Variants in ZFHX3 observed in about 807,000 individuals in gnomAD.
ZFHX3 encodes the protein zinc finger homeobox 3.
A neutral mutation model predicts 279.1 loss-of-function variants in ZFHX3; 42 were observed. The ratio of observed to expected loss-of-function variants is 0.15; its 90% confidence interval spans 0.12 to 0.19. The LOEUF is 0.19. Ranked by LOEUF, ZFHX3 falls within the 10% of genes least tolerant of loss-of-function variation. The pLI, the probability that ZFHX3 is intolerant of heterozygous loss-of-function variation, is 1.00. For synonymous variants in ZFHX3, 2,293 were observed against 1,957.8 expected (o/e 1.17, Z -4.52); for missense variants, 4,981 against 4,754.0 (o/e 1.05, Z -1.40).
At chr16:72,971,384 T>C (rs1289326549) in intron 1 of ZFHX3, among the ~76,000 whole-genome samples, 1 of 152,224 alleles carries the variant, frequency 6.6e-6, no homozygotes, top group African/African-American at 2.4e-5. Flanking sequence ...AGCATGGTTT[T>C]GAGCACTATT....
intron 4 of ZFHX3, among the ~76,000 whole-genome samples, chr16:73,308,288 TATTTTTGAGACAGAGTTTC>T: frequency 7.2e-6 from 1 of 139,166 alleles, no homozygotes; most frequent in Non-Finnish European, 1.5e-5. Flanking sequence ...TTTATTTATT[TATTTTTGAGACAGAGTTTC>T]ACTCTTGTCA....
At chr16:73,429,182 C>T (rs2017866189) in intron 3 of ZFHX3, among the ~76,000 whole-genome samples, 1 of 152,140 alleles carries the variant, frequency 6.6e-6, no homozygotes, top group Non-Finnish European at 1.5e-5. Flanking sequence ...CTGGGGATAG[C>T]AGCACAGAAG....
At chr16:73,108,209 C>T (rs1966327860) in intron 7 of ZFHX3, among the ~76,000 whole-genome samples, 1 of 151,740 alleles carries the variant, frequency 6.6e-6, no homozygotes, top group South Asian at 2.1e-4. Context: ...TGGTGTGCCC[C>T]CGTGGTCCCA....
intron 1 of ZFHX3, among the ~76,000 whole-genome samples, chr16:73,797,767 G>A (rs1264609814): frequency 6.7e-6 from 1 of 149,778 alleles, no homozygotes; most frequent in East Asian, 2.0e-4. Context: ...AATTACTTGT[G>A]GATAAAACAT....
At chr16:73,110,302 T>C (rs1441632194) in intron 7 of ZFHX3, among the ~76,000 whole-genome samples, 1 of 152,168 alleles carries the variant, frequency 6.6e-6, no homozygotes, top group Admixed American at 6.6e-5. Flanking sequence ...TAAGATACAT[T>C]CAAACAGGTT....
chr16:73,257,150 A>ACTT (rs1234860018), intron 4 of ZFHX3: 1 of 152,230 alleles, frequency 6.6e-6, no homozygotes, highest in African/African-American at 2.4e-5. Flanking sequence ...TAACAAAGCA[A>ACTT]AAAGTAAATA....
intron 5 of ZFHX3, among the ~76,000 whole-genome samples, chr16:73,182,619 G>A (rs1967822649): frequency 6.6e-6 from 1 of 152,248 alleles, no homozygotes; most frequent in African/African-American, 2.4e-5. Flanking sequence ...ATCCACAATA[G>A]CAAAGACATG....
chr16:73,475,375 ATC>A (rs2018747798), intron 2 of ZFHX3, among the ~76,000 whole-genome samples: 1 of 152,144 alleles, frequency 6.6e-6, no homozygotes, highest in Non-Finnish European at 1.5e-5. Context: ...ATCTTATTGA[ATC>A]TCTTATTTGA....
chr16:73,352,181 G>A (rs542286160), intron 3 of ZFHX3, among the ~76,000 whole-genome samples: 20 of 152,244 alleles, frequency 1.3e-4, no homozygotes, highest in Non-Finnish European at 2.5e-4. Context: ...CCTCTCACCC[G>A]CAGAGAGGGC....
At chr16:73,148,906 C>T (rs756959133) in intron 5 of ZFHX3, among the ~76,000 whole-genome samples, 4 of 151,636 alleles carry the variant, frequency 2.6e-5, no homozygotes, top group Non-Finnish European at 5.9e-5. Flanking sequence ...TAGATGGTAC[C>T]GCTGCACTCC....
At chr16:72,830,154 A>T (rs575655425) in intron 4 of ZFHX3, among the ~76,000 whole-genome samples, 53 of 152,364 alleles carry the variant, frequency 3.5e-4, no homozygotes, top group East Asian at 1.5e-3. Flanking sequence ...GTTCTAACTG[A>T]AAAACCAATC....
At chr16:73,430,095 GC>G (rs2017885531) in intron 3 of ZFHX3, among the ~76,000 whole-genome samples, 1 of 151,872 alleles carries the variant, frequency 6.6e-6, no homozygotes, top group Non-Finnish European at 1.5e-5. Flanking sequence ...TTGCTATGTT[GC>G]CCAGGCTGGT....
chr16:73,593,502 A>C (rs924044923), intron 2 of ZFHX3, among the ~76,000 whole-genome samples: 1 of 146,428 alleles, frequency 6.8e-6, no homozygotes, highest in Non-Finnish European at 1.5e-5. Flanking sequence ...CCATTTCTGC[A>C]GGTTCTATAT....
intron 3 of ZFHX3, among the ~76,000 whole-genome samples, chr16:73,426,893 C>T (rs1481243192): frequency 6.6e-6 from 1 of 152,104 alleles, no homozygotes; most frequent in Non-Finnish European, 1.5e-5. Context: ...CGAGTTCTGC[C>T]CACATGCATA....
At chr16:73,434,331 G>A (rs752005485) in intron 3 of ZFHX3, among the ~76,000 whole-genome samples, 3 of 152,204 alleles carry the variant, frequency 2.0e-5, no homozygotes, top group East Asian at 1.9e-4. Context: ...GGTCTGTGGT[G>A]TTCCTCTAAG....
chr16:73,794,901 G>A (rs1031752566), intron 1 of ZFHX3, among the ~76,000 whole-genome samples: 3 of 152,122 alleles, frequency 2.0e-5, no homozygotes, highest in East Asian at 1.9e-4. Flanking sequence ...TCATGTTCTA[G>A]GTAAATGAAG....
intron 2 of ZFHX3, among the ~76,000 whole-genome samples, chr16:73,586,385 T>C (rs1489396545): frequency 7.4e-6 from 1 of 135,426 alleles, no homozygotes; most frequent in Admixed American, 8.5e-5. Flanking sequence ...CAAGACTCTA[T>C]CTCAAAACAA....
At chr16:73,099,319 A>C (rs1297329114) in intron 7 of ZFHX3, 1 of 152,206 alleles carries the variant, frequency 6.6e-6, no homozygotes. Context: ...CCCTAAAATA[A>C]TACTTTACTT....
chr16:73,609,454 G>C (rs948314626), intron 2 of ZFHX3: 1 of 152,138 alleles, frequency 6.6e-6, no homozygotes, highest in Non-Finnish European at 1.5e-5. Flanking sequence ...AAATTGAAAG[G>C]GTTGTCAACA....
Sources: gnomAD v4.1 joint callset for allele counts (sites outside exome capture counted in the v4.1 genomes callset) on GRCh38, gnomAD v4.1.1 for gene constraint, MANE v1.5 for transcripts, NCBI Gene and HGNC (gene_info 2026-07-23, HGNC 2026-07-21) for gene names.